The following FBXO21 variants were observed in gnomAD, a reference collection of about 807,000 sequenced individuals.
The protein encoded by FBXO21 is F-box protein 21.
FBXO21 carries 32 observed loss-of-function variants against 76.6 expected under a neutral mutation model. The ratio of observed to expected loss-of-function variants is 0.42; its 90% CI spans 0.32 to 0.56. The LOEUF (loss-of-function observed/expected upper bound fraction) is 0.56, where lower values mean the gene tolerates loss of function less well. Among genes scored for constraint, FBXO21 ranks in the 20% least tolerant of loss-of-function variants. The probability of loss-of-function intolerance (pLI) is 0.16; values close to 1 mark genes in which losing one functional copy is unlikely to be tolerated. For missense variants in FBXO21, 586 were observed against 797.3 expected, an observed-to-expected ratio of 0.73 and a Z score of 3.19; for synonymous variants, 328 against 311.5, an observed-to-expected ratio of 1.05 and a Z score of -0.56.
rs1367008183 is a variant in FBXO21, at chr12:117,186,394, C to T, written c.470+83G>A. 5.4e-6 allele frequency: 5 copies of T among 932,940 alleles called. No individual in the cohort carries two copies. The African/African-American group carries it at 8.2e-5, about 15-fold the overall frequency. The allele number at this position is 932,940 out of a possible 1,614,324, so 57.8% of individuals were successfully genotyped here. On this transcript the variant is annotated intron_variant, in intron 3 of 11. Transcript: ENST00000622495. ...CGTGAAATATTTGGAATCACATATT[C>T]CAGGGTTTAGCCACACAGAAATTAC...
intron 9 of FBXO21, among the ~76,000 whole-genome samples, chr12:117,162,339 A>G (rs1400313440): frequency 6.6e-6 from 1 of 152,208 alleles, no homozygotes; most frequent in African/African-American, 2.4e-5. Context: ...GGGATGCCGC[A>G]TGGGGTGGGC....
intron 11 of FBXO21, among the ~76,000 whole-genome samples, chr12:117,150,223 C>A (rs1955822202): frequency 1.3e-5 from 2 of 152,264 alleles, no homozygotes; most frequent in African/African-American, 2.4e-5. Context: ...AAACATGAAC[C>A]AGGCACCACT....
rs1955732277 is a variant in FBXO21 at position 117,143,061 on chromosome 12, A to G, written c.*3026T>C. 1 of 152,224 alleles carries G rather than the reference A, an allele frequency of 6.6e-6. No individual in the cohort carries two copies. Among genetic ancestry groups the G allele is most frequent in the Admixed American group, 6.5e-5 (1 of 15,282 alleles). 9.4% of individuals were successfully genotyped at this position (152,224 alleles called of 1,614,324 possible). ...AGGCGACATGAAAGCCGGCCTTTCA[A>G]AATCTGATTAGGTGGATAATGTTTG... On this transcript the variant is annotated 3_prime_UTR_variant, in exon 12 of 12. Coordinates refer to ENST00000622495, the MANE Select transcript of FBXO21 (RefSeq NM_015002.3).
At chr12:117,181,599 G>GTCTGTCTATCTA (rs1555242789) in intron 3 of FBXO21, among the ~76,000 whole-genome samples, 1 of 145,536 alleles carries the variant, frequency 6.9e-6, no homozygotes, top group African/African-American at 2.5e-5. Flanking sequence ...ATCTGAGACA[G>GTCTGTCTATCTA]TCTATCTATC....
chr12:117,155,709 C>T, intron 11 of FBXO21, 82 bp downstream of exon 11: 1 of 1,460,292 alleles, frequency 6.8e-7, no homozygotes, highest in Non-Finnish European at 9.2e-7. Context: ...TGGCCCACGC[C>T]CACAGTACCT....
intron 7 of FBXO21, among the ~76,000 whole-genome samples, chr12:117,168,516 T>C (rs1352497594): frequency 6.6e-6 from 1 of 151,286 alleles, no homozygotes; most frequent in Non-Finnish European, 1.5e-5. Flanking sequence ...AAAGTGAGAC[T>C]CCATCTCAAA....
At chr12:117,165,360 TG>T in intron 9 of FBXO21, 124 bp downstream of exon 9, 1 of 1,018,290 alleles carries the variant, frequency 9.8e-7, no homozygotes, top group Non-Finnish European at 1.4e-6. Context: ...GGGTTATGAT[TG>T]GGAGACTGAA....
intron 3 of FBXO21, 129 bp downstream of exon 3, chr12:117,186,348 A>G: frequency 1.4e-6 from 1 of 699,268 alleles, no homozygotes; most frequent in South Asian, 1.6e-5. Flanking sequence ...AGAACTTTTC[A>G]AAACTGTAAC....
At chr12:117,171,353 G>A (rs1956116481) in intron 7 of FBXO21, among the ~76,000 whole-genome samples, 1 of 98,684 alleles carries the variant, frequency 1.0e-5, no homozygotes, top group South Asian at 4.0e-4. Context: ...GCCAGACCCT[G>A]TCTCAAAAAA....
intron 9 of FBXO21, among the ~76,000 whole-genome samples, chr12:117,161,115 A>C (rs1262819070): frequency 6.6e-6 from 1 of 152,144 alleles, no homozygotes; most frequent in Non-Finnish European, 1.5e-5. Context: ...AAGCTCTAGG[A>C]AGGGCAAGCA....
In FBXO21 at chr12:117,155,925, T is replaced by C; in HGVS notation, c.1541A>G (p.Tyr514Cys). The change falls in exon 11 of 12, where the codon TAC becomes TGC. Residue 514 changes from tyrosine (Y) to cysteine (C), a missense_variant. Physicochemically the swap from Tyr to Cys is radical, Grantham distance 194. Coordinates refer to ENST00000622495, the MANE Select transcript of FBXO21 (RefSeq NM_015002.3). ...CATCATGCAGGTGGGGTCCCAGCCG[T>C]AGATCACACAGTTATAGCCATACCT... ...HKRYGYNCVIYGWDPTCMMGH... is the reference protein window; with the variant it reads ...HKRYGYNCVICGWDPTCMMGH... 1 of 1,614,176 alleles carries C rather than the reference T, an allele frequency of 6.2e-7. No individual in the cohort carries two copies. Among genetic ancestry groups the C allele is most frequent in the Non-Finnish European group, 8.5e-7 (1 of 1,180,034 alleles).
chr12:117,146,646 G>A (rs1275392791), intron 11 of FBXO21, among the ~76,000 whole-genome samples: 1 of 151,948 alleles, frequency 6.6e-6, no homozygotes, highest in Non-Finnish European at 1.5e-5. Context: ...TCTTTTTTTG[G>A]CAGTGGCTAA....
rs1955764945 is a variant in FBXO21 at position 117,146,005 on chromosome 12, C to T, written c.*82G>A. On this transcript the variant is annotated 3_prime_UTR_variant, in exon 12 of 12. Coordinates refer to ENST00000622495, the MANE Select transcript of FBXO21 (RefSeq NM_015002.3). ...TTCCTGGTGCAGCAGGTCCCGAGGG[C>T]TCCGTGGAGACGTCTTCTTCCGGAG... The T allele has an allele frequency of 8.1e-7, 1 of 1,235,022 alleles. No individual in the cohort carries two copies. Among genetic ancestry groups the T allele is most frequent in the Admixed American group, 2.6e-5 (1 of 38,970 alleles). The allele number at this position is 1,235,022 out of a possible 1,614,324, so 76.5% of individuals were successfully genotyped here. A position where few individuals can be genotyped will look rare whatever the true frequency, so the allele number is the denominator to read the frequency against.
At chr12:117,175,105 A>G (rs750318994) in intron 4 of FBXO21, among the ~76,000 whole-genome samples, 7 of 152,210 alleles carry the variant, frequency 4.6e-5, no homozygotes, top group Non-Finnish European at 7.3e-5. Flanking sequence ...AATGACATCA[A>G]GGAGATCTTT....
chr12:117,161,392 G>C (rs1013676849), intron 9 of FBXO21, among the ~76,000 whole-genome samples: 4 of 152,144 alleles, frequency 2.6e-5, no homozygotes, highest in Non-Finnish European at 5.9e-5. Flanking sequence ...AGACCGCCGA[G>C]AACCTAAAAG....
At chr12:117,150,225 G>A (rs1357400176) in intron 11 of FBXO21, among the ~76,000 whole-genome samples, 2 of 152,178 alleles carry the variant, frequency 1.3e-5, no homozygotes, top group East Asian at 3.8e-4. Context: ...ACATGAACCA[G>A]GCACCACTTA....
intron 11 of FBXO21, among the ~76,000 whole-genome samples, chr12:117,154,505 C>A (rs942552708): frequency 6.6e-6 from 1 of 152,250 alleles, no homozygotes; most frequent in South Asian, 2.1e-4. Flanking sequence ...CCCAACCCAG[C>A]TTCCTGAATA....
Position 117,146,049 on chromosome 12 carries a change from T to A in FBXO21, c.*38A>T. On this transcript the variant is annotated 3_prime_UTR_variant, in exon 12 of 12. Coordinates refer to ENST00000622495, the MANE Select transcript of FBXO21 (RefSeq NM_015002.3). ...TCCGGAGTCCCGTTCTCTTGGAAGATAGCAGCAGCAGCAAAGGTGCAATGT... is the reference window on the plus strand; with the variant it reads ...TCCGGAGTCCCGTTCTCTTGGAAGAAAGCAGCAGCAGCAAAGGTGCAATGT... 2 of 1,494,790 alleles carry A rather than the reference T, an allele frequency of 1.3e-6. No homozygotes were observed. The highest frequency in any genetic ancestry group is 1.8e-6 in the Non-Finnish European group (2 of 1,113,606). 92.6% of individuals were successfully genotyped at this position (1,494,790 alleles called of 1,614,324 possible).
At chr12:117,168,244 A>G (rs10850785) in intron 7 of FBXO21, among the ~76,000 whole-genome samples, 30,336 of 152,202 alleles carry the variant, frequency 0.2, 3,429 homozygotes, top group East Asian at 0.43. Flanking sequence ...GCAAGGATAT[A>G]GCTGGGTGCG....
Sources: allele counts gnomAD v4.1 joint callset (sites outside exome capture counted in the v4.1 genomes callset), GRCh38; gene constraint gnomAD v4.1.1; transcripts MANE v1.5; gene names NCBI Gene and HGNC (gene_info 2026-07-23, HGNC 2026-07-21).